ANK3: variants seen among roughly 807,000 people sequenced by gnomAD.
ANK3 encodes ankyrin 3.
Under a neutral mutation model 370.9 loss-of-function variants are expected in ANK3, and 57 were observed. The ratio of observed to expected loss-of-function variants is 0.15; its 90% confidence interval spans 0.12 to 0.19. The LOEUF is 0.19. Among genes scored for constraint, ANK3 ranks in the 10% least tolerant of loss-of-function variants. ANK3 has a pLI of 1.00. For synonymous variants in ANK3, 1,929 were observed against 1,946.3 expected, an observed-to-expected ratio of 0.99 and a Z score of 0.23; for missense variants, 4,439 against 5,302.1, an observed-to-expected ratio of 0.84 and a Z score of 5.06.
At chr10:60,656,699 T>A (rs1262896317) in intron 1 of ANK3, among the ~76,000 whole-genome samples, 1 of 152,220 alleles carries the variant, frequency 6.6e-6, no homozygotes, top group Non-Finnish European at 1.5e-5. Flanking sequence ...CTATACAACT[T>A]ATTTTTTACA....
chr10:60,069,546 G>C lies in ANK3; in HGVS notation c.11335C>G (p.His3779Asp), dbSNP rs1307105556. Residue 3779 changes from histidine to aspartate, a missense_variant, in exon 37 of 44, where the codon CAT becomes GAT. Physicochemically the swap from His to Asp is moderately conservative, Grantham distance 81. Coordinates refer to ENST00000280772, the MANE Select transcript of ANK3 (RefSeq NM_020987.5). ...TTAAAGTTATCTTTTTGAAAATCAT[G>C]TTTTTCATGGGGCCTAACGCCCATC... is the stretch of plus-strand genomic sequence containing the variant. ...SQMGVRPHEK[H>D]DFQKDNFNNN... 1 of 1,612,716 alleles carries C rather than the reference G, an allele frequency of 6.2e-7. No homozygotes were observed. The highest frequency in any genetic ancestry group is 1.7e-5 in the Admixed American group (1 of 59,710).
intron 1 of ANK3, among the ~76,000 whole-genome samples, chr10:60,719,375 T>C (rs2079832403): frequency 6.6e-6 from 1 of 152,090 alleles, no homozygotes; most frequent in Admixed American, 6.5e-5. Context: ...CCCAAAGTGG[T>C]TTGCTGTAAC....
chr10:60,455,106 A>G (rs2064713429), intron 2 of ANK3, among the ~76,000 whole-genome samples: 1 of 152,200 alleles, frequency 6.6e-6, no homozygotes, highest in Admixed American at 6.6e-5. Flanking sequence ...TCCAATGCAT[A>G]AAACAGAAAA....
chr10:60,510,446 T>C (rs940662727), intron 2 of ANK3, among the ~76,000 whole-genome samples: 1 of 152,166 alleles, frequency 6.6e-6, no homozygotes, highest in African/African-American at 2.4e-5. Flanking sequence ...TTCACCTATG[T>C]CAGCTGATTT....
chr10:60,587,630 A>T (rs1311742313), intron 2 of ANK3, among the ~76,000 whole-genome samples: 2 of 152,190 alleles, frequency 1.3e-5, no homozygotes, highest in African/African-American at 2.4e-5. Flanking sequence ...CAAAAACAGT[A>T]ATAGATAGAA....
rs150734379 is a variant in ANK3 at position 60,294,385 on chromosome 10, G to A, written c.115-14746C>T. 7.1e-3 allele frequency among the ~76,000 whole-genome samples: 1,083 copies of A among 152,272 alleles called. 38 individuals are homozygous for A. Among genetic ancestry groups the A allele is most frequent in the Admixed American group, 0.062 (949 of 15,280 alleles). On this transcript the variant is annotated intron_variant, in intron 1 of 43. Transcript: ENST00000280772. The stretch of plus-strand genomic sequence containing the variant: ...TGAGGCCATGGCACCAGAGGGAGAG[G>A]AGGCATTAGCTAGTGAGTTCTTGAA...
intron 1 of ANK3, among the ~76,000 whole-genome samples, chr10:60,725,743 C>T (rs949338142): frequency 2.0e-5 from 3 of 151,932 alleles, no homozygotes; most frequent in African/African-American, 7.3e-5. Flanking sequence ...CAAAGGTAAG[C>T]AATTAGTGTT....
At position 60,027,147 on chromosome 10, in the gene ANK3, A is replaced by C. The variant is rs1019998677; in HGVS notation, c.*2699T>G. 6.6e-6 allele frequency: 1 copy of C among 152,112 alleles called. No individual in the cohort carries two copies. Among genetic ancestry groups the C allele is most frequent in the Non-Finnish European group, 1.5e-5 (1 of 68,024 alleles). The allele number at this position is 152,112 out of a possible 1,614,324, so 9.4% of individuals were successfully genotyped here. On this transcript the variant is annotated 3_prime_UTR_variant, in exon 44 of 44. Transcript: ENST00000280772. The stretch of plus-strand genomic sequence containing the variant: ...TATAAACACAACTATTTAATACCTA[A>C]ACAGGTATACATCATTGAGTTTCTG...
intron 1 of ANK3, among the ~76,000 whole-genome samples, chr10:60,312,116 T>C (rs1458233620): frequency 6.6e-6 from 1 of 151,896 alleles, no homozygotes; most frequent in Non-Finnish European, 1.5e-5. Context: ...TTTTTGAGAG[T>C]AGTTAAAATT....
intron 1 of ANK3, among the ~76,000 whole-genome samples, chr10:60,334,038 C>T (rs921115095): frequency 8.5e-5 from 13 of 152,078 alleles, no homozygotes; most frequent in Middle Eastern, 3.4e-3. Flanking sequence ...ACAGGAATTT[C>T]GGCAGAGAGC....
intron 2 of ANK3, among the ~76,000 whole-genome samples, chr10:60,596,090 G>A (rs1390004869): frequency 6.6e-6 from 1 of 152,116 alleles, no homozygotes; most frequent in African/African-American, 2.4e-5. Context: ...GAGGCTCAGT[G>A]AGGAAAAGAA....
chr10:60,687,906 C>T (rs1018475711), intron 1 of ANK3, among the ~76,000 whole-genome samples: 9 of 152,188 alleles, frequency 5.9e-5, no homozygotes, highest in African/African-American at 1.9e-4. Context: ...CTGCAATAGG[C>T]AACAACATGG....
intron 1 of ANK3, among the ~76,000 whole-genome samples, chr10:60,693,678 C>A (rs531185871): frequency 1.9e-4 from 29 of 152,286 alleles, no homozygotes; most frequent in Non-Finnish European, 3.7e-4. Context: ...AACAGACCTG[C>A]AGCTGAGGGT....
intron 7 of ANK3, among the ~76,000 whole-genome samples, chr10:60,240,818 C>G (rs1336910304): frequency 2.0e-5 from 3 of 152,212 alleles, no homozygotes; most frequent in Non-Finnish European, 4.4e-5. Flanking sequence ...TCTTGAACTT[C>G]TGACGTCAAG....
intron 2 of ANK3, among the ~76,000 whole-genome samples, chr10:60,424,231 T>C (rs947605747): frequency 6.6e-6 from 1 of 152,080 alleles, no homozygotes; most frequent in Non-Finnish European, 1.5e-5. Context: ...TAATTGTTAA[T>C]AGTGTTCCCT....
At chr10:60,656,039 A>T (rs1045973989) in intron 1 of ANK3, among the ~76,000 whole-genome samples, 1 of 152,192 alleles carries the variant, frequency 6.6e-6, no homozygotes, top group Middle Eastern at 3.2e-3. Flanking sequence ...TACTCGCACA[A>T]TGACAAAATC....
chr10:60,397,506 C>T (rs1473287989), intron 2 of ANK3, among the ~76,000 whole-genome samples: 1 of 152,150 alleles, frequency 6.6e-6, no homozygotes, highest in East Asian at 1.9e-4. Flanking sequence ...ACGGACATCA[C>T]AGAGAACAAA....
chr10:60,330,982 T>C (rs2051114062), intron 1 of ANK3, among the ~76,000 whole-genome samples: 1 of 152,120 alleles, frequency 6.6e-6, no homozygotes, highest in Admixed American at 6.5e-5. Context: ...TGGATGAAGC[T>C]GGAAATCATT....
chr10:60,696,981 C>T (rs915854985), intron 1 of ANK3, among the ~76,000 whole-genome samples: 1 of 141,778 alleles, frequency 7.1e-6, no homozygotes, highest in Non-Finnish European at 1.5e-5. Flanking sequence ...TTGCAGACGA[C>T]ATGATTGTTT....
Sources: allele counts gnomAD v4.1 joint callset (sites outside exome capture counted in the v4.1 genomes callset), GRCh38; gene constraint gnomAD v4.1.1; transcripts MANE v1.5; gene names NCBI Gene and HGNC (gene_info 2026-07-23, HGNC 2026-07-21).